The following RBMS3 variants were observed in gnomAD, a reference collection of about 807,000 sequenced individuals.
RBMS3 encodes the protein RNA-binding motif, single-stranded-interacting protein 3.
In RBMS3, 27 loss-of-function variants were observed where a neutral mutation model predicts 66.8. The ratio of observed to expected loss-of-function variants is 0.40; its 90% CI spans 0.30 to 0.56. The LOEUF is 0.56. RBMS3 is among the 20% of genes least tolerant of loss of function. The probability of loss-of-function intolerance (pLI) is 0.40; values close to 1 mark genes in which losing one functional copy is unlikely to be tolerated. For synonymous variants in RBMS3, 188 were observed against 183.0 expected (o/e 1.03, Z -0.22); for missense variants, 513 against 549.5 (o/e 0.93, Z 0.66).
At chr3:29,886,798 G>T (rs1329719341) in intron 8 of RBMS3, among the ~76,000 whole-genome samples, 9 of 151,660 alleles carry the variant, frequency 5.9e-5, no homozygotes, top group Non-Finnish European at 1.3e-4. Flanking sequence ...TCATTAAGAG[G>T]ATATTAAAAT....
At chr3:29,385,104 A>G (rs2038955119) in intron 1 of RBMS3, among the ~76,000 whole-genome samples, 1 of 152,236 alleles carries the variant, frequency 6.6e-6, no homozygotes, top group Admixed American at 6.5e-5. Context: ...GTGAGTGGTT[A>G]GTCCAGCATT....
intron 1 of RBMS3, among the ~76,000 whole-genome samples, 186 bp downstream of exon 1, chr3:29,281,942 CG>C (rs1447197336): frequency 6.6e-6 from 1 of 152,082 alleles, no homozygotes; most frequent in Non-Finnish European, 1.5e-5. Flanking sequence ...GCAGCAAACC[CG>C]GAATTGTAGC....
intron 6 of RBMS3, among the ~76,000 whole-genome samples, chr3:29,798,606 A>G (rs1199159447): frequency 1.3e-5 from 2 of 152,166 alleles, no homozygotes; most frequent in African/African-American, 4.8e-5. Context: ...GTTTCCTAGA[A>G]TTGGAAATGT....
chr3:29,551,232 T>C lies in RBMS3; in HGVS notation c.308-35882T>C, dbSNP rs542977556. Among the ~76,000 whole-genome samples, 19 of 152,306 alleles carry C rather than the reference T, an allele frequency of 1.2e-4. No homozygotes were observed. The East Asian group carries it at 3.1e-3, about 25-fold the overall frequency. ...GATCACATTTTGATTGACATATAGA[T>C]CTTTTGAGATTTGTCCATCATCTCT... On this transcript the variant is annotated intron_variant, in intron 3 of 14. Transcript: ENST00000383767.
At chr3:29,817,323 T>C (rs573879915) in intron 6 of RBMS3, among the ~76,000 whole-genome samples, 130 of 151,760 alleles carry the variant, frequency 8.6e-4, no homozygotes, top group African/African-American at 3.0e-3. Context: ...CCTGTCTCAG[T>C]GTCCCGAGTA....
intron 6 of RBMS3, among the ~76,000 whole-genome samples, chr3:29,777,710 C>T (rs1234470981): frequency 1.3e-5 from 2 of 151,704 alleles, no homozygotes; most frequent in Non-Finnish European, 2.9e-5. Context: ...AGAGTATTGA[C>T]CTATGGACAT....
At chr3:29,774,653 T>C (rs1345673115) in intron 6 of RBMS3, among the ~76,000 whole-genome samples, 1 of 152,042 alleles carries the variant, frequency 6.6e-6, no homozygotes, top group East Asian at 1.9e-4. Flanking sequence ...TTTATCATAA[T>C]ACGAATTCAT....
intron 3 of RBMS3, among the ~76,000 whole-genome samples, chr3:29,503,063 G>A (rs1017045906): frequency 1.9e-4 from 29 of 152,226 alleles, no homozygotes; most frequent in African/African-American, 6.7e-4. Flanking sequence ...GCGTGTAGTT[G>A]TGGAGAATGT....
intron 4 of RBMS3, among the ~76,000 whole-genome samples, chr3:29,677,551 T>C (rs939460607): frequency 6.6e-6 from 1 of 152,172 alleles, no homozygotes; most frequent in Non-Finnish European, 1.5e-5. Context: ...GTGCACTTTA[T>C]AGGTGACTCA....
chr3:29,443,799 TA>T (rs2041716277), intron 2 of RBMS3, among the ~76,000 whole-genome samples: 1 of 152,090 alleles, frequency 6.6e-6, no homozygotes, highest in Admixed American at 6.6e-5. Context: ...GAATTTGGAA[TA>T]TATTTTGGAG....
chr3:29,982,341 T>C (rs1698052467), intron 12 of RBMS3, among the ~76,000 whole-genome samples: 1 of 152,182 alleles, frequency 6.6e-6, no homozygotes, highest in Non-Finnish European at 1.5e-5. Flanking sequence ...TAATAGTCTA[T>C]TTTGTTAATC....
intron 4 of RBMS3, among the ~76,000 whole-genome samples, chr3:29,669,637 TA>T (rs199810066): frequency 0.035 from 5,389 of 152,336 alleles, 312 homozygotes; most frequent in African/African-American, 0.12. Context: ...GGTGTTAGAT[TA>T]AATGACTCCT....
chr3:30,001,765 T>C (rs1300421336), intron 14 of RBMS3, among the ~76,000 whole-genome samples: 2 of 146,814 alleles, frequency 1.4e-5, no homozygotes, highest in African/African-American at 5.4e-5. Context: ...GTTTTCAAGT[T>C]ATTTCTTTTT....
intron 1 of RBMS3, among the ~76,000 whole-genome samples, chr3:29,326,936 T>C (rs1294926049): frequency 2.0e-5 from 3 of 152,176 alleles, no homozygotes; most frequent in Admixed American, 2.0e-4. Context: ...TTCACCGTGT[T>C]GGCCAGGATG....
intron 8 of RBMS3, among the ~76,000 whole-genome samples, chr3:29,891,061 C>T (rs1430421052): frequency 1.3e-5 from 2 of 151,546 alleles, no homozygotes; most frequent in Non-Finnish European, 3.0e-5. Flanking sequence ...TAACAGTAAA[C>T]TAAGCCATAG....
chr3:29,414,383 A>G (rs927205301), intron 1 of RBMS3, among the ~76,000 whole-genome samples: 1 of 152,202 alleles, frequency 6.6e-6, no homozygotes, highest in Non-Finnish European at 1.5e-5. Context: ...TTCATTCTCT[A>G]AAAATAACCA....
chr3:29,380,343 G>A (rs1167160010), intron 1 of RBMS3, among the ~76,000 whole-genome samples: 1 of 151,998 alleles, frequency 6.6e-6, no homozygotes. Flanking sequence ...TTATTGGCAT[G>A]GCAAGGAATG....
intron 4 of RBMS3, among the ~76,000 whole-genome samples, chr3:29,700,087 C>G (rs1200524755): frequency 6.6e-6 from 1 of 152,170 alleles, no homozygotes; most frequent in Non-Finnish European, 1.5e-5. Context: ...TCGGTTTAGG[C>G]TATTTTGGCC....
chr3:29,588,298 G>C (rs1207645860), intron 4 of RBMS3, among the ~76,000 whole-genome samples: 2 of 151,966 alleles, frequency 1.3e-5, no homozygotes, highest in African/African-American at 4.8e-5. Context: ...TAGGTGGAAT[G>C]GCCAACAGAC....
Sources: gnomAD v4.1 joint callset for allele counts (sites outside exome capture counted in the v4.1 genomes callset) on GRCh38, gnomAD v4.1.1 for gene constraint, MANE v1.5 for transcripts, NCBI Gene and HGNC (gene_info 2026-07-23, HGNC 2026-07-21) for gene names.